Variants in GRK4 observed in about 807,000 individuals in gnomAD.
GRK4 encodes the protein G protein-coupled receptor kinase 2-like.
A neutral mutation model predicts 77.9 loss-of-function variants in GRK4; 73 were observed. The observed-to-expected ratio is 0.94, with a 90% CI of 0.78 to 1.14. The LOEUF is 1.14. GRK4 is among the 50% of genes most tolerant of loss of function. GRK4 has a pLI of 0.00. For missense variants in GRK4, 729 were observed against 700.2 expected, an observed-to-expected ratio of 1.04 and a Z score of -0.46; for synonymous variants, 257 against 254.4, an observed-to-expected ratio of 1.01 and a Z score of -0.10.
chr4:2,965,402 C>T, intron 1 of GRK4: 1 of 703,074 alleles, frequency 1.4e-6, no homozygotes, highest in Non-Finnish European at 2.6e-6. Flanking sequence ...CCTGTGCTAG[C>T]CACGGTAGTT....
At chr4:2,975,229 G>A in intron 1 of GRK4, among the ~76,000 whole-genome samples, 1 of 152,130 alleles carries the variant, frequency 6.6e-6, no homozygotes, top group East Asian at 1.9e-4. Context: ...CTTGAACCTG[G>A]GAGGTGGAGA....
At chr4:3,028,271 C>A (rs1391517219) in intron 11 of GRK4, among the ~76,000 whole-genome samples, 2 of 152,164 alleles carry the variant, frequency 1.3e-5, no homozygotes, top group Non-Finnish European at 2.9e-5. Flanking sequence ...ATCGGGATGA[C>A]ACCGCAGGTC....
At chr4:3,018,348 A>G (rs1735136201) in intron 8 of GRK4, among the ~76,000 whole-genome samples, 3 of 152,174 alleles carry the variant, frequency 2.0e-5, no homozygotes, top group African/African-American at 7.2e-5. Flanking sequence ...TACTGATACC[A>G]TTTACAATGG....
At chr4:3,002,425 G>A (rs897844849) in intron 4 of GRK4, among the ~76,000 whole-genome samples, 15 of 152,064 alleles carry the variant, frequency 9.9e-5, no homozygotes, top group Admixed American at 3.9e-4. Context: ...GCAACGTGGT[G>A]AAACACTGTC....
At chr4:3,023,133 A>G (rs1736535037) in intron 10 of GRK4, among the ~76,000 whole-genome samples, 1 of 152,098 alleles carries the variant, frequency 6.6e-6, no homozygotes, top group African/African-American at 2.4e-5. Flanking sequence ...CTCTTGTCAC[A>G]TAGCATGTGT....
chr4:2,972,803 C>T (rs747768616), intron 1 of GRK4, among the ~76,000 whole-genome samples: 9 of 152,122 alleles, frequency 5.9e-5, no homozygotes, highest in Admixed American at 2.0e-4. Flanking sequence ...AGCATGATCT[C>T]GGTTCTCTGC....
chr4:2,972,261 G>A (rs1460976477), intron 1 of GRK4, among the ~76,000 whole-genome samples: 1 of 152,098 alleles, frequency 6.6e-6, no homozygotes, highest in African/African-American at 2.4e-5. Flanking sequence ...TGAAATGCCT[G>A]TGGCCCTGCC....
intron 3 of GRK4, among the ~76,000 whole-genome samples, chr4:2,990,737 C>G (rs1725910987): frequency 6.6e-6 from 1 of 152,206 alleles, no homozygotes; most frequent in Admixed American, 6.5e-5. Flanking sequence ...ATTGTTGAAA[C>G]TCTGTTTTAG....
In GRK4 at chr4:2,987,904, C is replaced by T. The variant is rs143018408; in HGVS notation, c.149-823C>T. 1.5e-3 allele frequency among the ~76,000 whole-genome samples: 224 copies of T among 151,882 alleles called. 2 individuals carry two copies. Among genetic ancestry groups the T allele is most frequent in the African/African-American group, 4.7e-3 (195 of 41,406 alleles). On this transcript the variant is annotated intron_variant, in intron 2 of 15. Transcript: ENST00000398052. ...CAGCCTGGCCAACATAGTAAAACCA[C>T]ATCTCTACTAAAAATACAAAAATTA...
intron 7 of GRK4, among the ~76,000 whole-genome samples, chr4:3,013,372 T>C (rs1733475398): frequency 6.6e-6 from 1 of 152,138 alleles, no homozygotes; most frequent in Admixed American, 6.5e-5. Context: ...CTTTTCAGTT[T>C]TACTTTTTAA....
At chr4:3,035,162 G>A (rs943562789) in intron 12 of GRK4, among the ~76,000 whole-genome samples, 5 of 152,022 alleles carry the variant, frequency 3.3e-5, no homozygotes, top group East Asian at 1.9e-4. Flanking sequence ...GGAGAATGGC[G>A]TGAACCCGGG....
chr4:2,999,009 G>A (rs1464360878), intron 4 of GRK4, among the ~76,000 whole-genome samples: 2 of 152,120 alleles, frequency 1.3e-5, no homozygotes, highest in African/African-American at 4.8e-5. Flanking sequence ...CTGGCATGAT[G>A]GTAGACATAC....
rs1735543605 is a variant in GRK4 at position 3,019,714 on chromosome 4, T to C, written c.815T>C (p.Leu272Ser). The C allele has an allele frequency of 3.1e-6, 5 of 1,614,224 alleles. No individual in the cohort carries two copies. The highest frequency in any genetic ancestry group is 2.7e-5 in the African/African-American group (2 of 75,066). ...LVLTIMNGGDLKFHIYNLGNP... is the reference protein window; with the variant it reads ...LVLTIMNGGDSKFHIYNLGNP... The stretch of plus-strand genomic sequence containing the variant: ...CTCACCATTATGAATGGAGGGGATT[T>C]GAAGTTTCACATTTACAACCTGGGC... The change falls in exon 9 of 16, where the codon TTG becomes TCG. Residue 272 changes from leucine to serine, a missense_variant. By Grantham distance (145) the Leu-to-Ser change is moderately radical. Transcript: ENST00000398052.
chr4:2,974,142 C>T (rs1210831427), intron 1 of GRK4, among the ~76,000 whole-genome samples: 7 of 152,198 alleles, frequency 4.6e-5, no homozygotes, highest in East Asian at 1.9e-4. Context: ...CCACCACACC[C>T]GGCTCTCATT....
At chr4:3,040,466 T>C in intron 15 of GRK4, 106 bp from the exon 16 acceptor site, 1 of 765,494 alleles carries the variant, frequency 1.3e-6, no homozygotes, top group Non-Finnish European at 2.1e-6. Context: ...AAATAAAAAA[T>C]AAAAAAGCAC....
chr4:2,998,031 G>A (rs559088780), intron 4 of GRK4, among the ~76,000 whole-genome samples: 2 of 152,220 alleles, frequency 1.3e-5, no homozygotes, highest in African/African-American at 4.8e-5. Flanking sequence ...TGTACTGGAG[G>A]TTCTAGACAG....
intron 10 of GRK4, among the ~76,000 whole-genome samples, chr4:3,026,105 T>G (rs1737483417): frequency 6.6e-6 from 1 of 152,234 alleles, no homozygotes; most frequent in African/African-American, 2.4e-5. Flanking sequence ...GCACATGTAA[T>G]TTCCTATTTC....
chr4:3,031,498 G>T (rs893292939), intron 12 of GRK4, among the ~76,000 whole-genome samples: 1 of 152,208 alleles, frequency 6.6e-6, no homozygotes, highest in Admixed American at 6.5e-5. Context: ...CCCAGCTCTG[G>T]TTTGTCCAGC....
chr4:3,026,459 G>A (rs1737595562), intron 10 of GRK4, among the ~76,000 whole-genome samples: 1 of 152,214 alleles, frequency 6.6e-6, no homozygotes, highest in South Asian at 2.1e-4. Flanking sequence ...GCCAGGCACG[G>A]TGGCTCACGC....
Sources: allele counts gnomAD v4.1 joint callset (sites outside exome capture counted in the v4.1 genomes callset), GRCh38; gene constraint gnomAD v4.1.1; transcripts MANE v1.5; gene names NCBI Gene and HGNC (gene_info 2026-07-23, HGNC 2026-07-21).